Variants in UGT2B7 observed in about 807,000 individuals in gnomAD.
UGT2B7 encodes UDP-glucuronosyltransferase 2B7.
A neutral mutation model predicts 51.9 loss-of-function variants in UGT2B7; 51 were observed. The observed-to-expected ratio is 0.98, with a 90% confidence interval of 0.78 to 1.24. The LOEUF is 1.24. Among genes scored for constraint, UGT2B7 ranks in the 50% most tolerant of loss-of-function variants. The pLI is 0.00. For missense variants in UGT2B7, 727 were observed against 628.4 expected (o/e 1.16, Z -1.68); for synonymous variants, 225 against 211.6 (o/e 1.06, Z -0.55).
At chr4:69,068,123 T>C (rs542499844) in intron 1 of UGT2B7, among the ~76,000 whole-genome samples, 1 of 152,174 alleles carries the variant, frequency 6.6e-6, no homozygotes, top group East Asian at 1.9e-4. Context: ...TGATCTCATA[T>C]TAGTTATTCA....
At chr4:69,103,469 C>A (rs1719492808) in intron 3 of UGT2B7, among the ~76,000 whole-genome samples, 1 of 152,058 alleles carries the variant, frequency 6.6e-6, no homozygotes, top group Non-Finnish European at 1.5e-5. Context: ...CAACTTGAGA[C>A]CCACAGTTAT....
At chr4:69,086,867 G>C (rs993524913) in intron 1 of UGT2B7, among the ~76,000 whole-genome samples, 3 of 151,854 alleles carry the variant, frequency 2.0e-5, no homozygotes, top group Non-Finnish European at 4.4e-5. Flanking sequence ...CATAGGTGAA[G>C]TGAGTTTCCT....
intron 3 of UGT2B7, among the ~76,000 whole-genome samples, chr4:69,104,576 A>C (rs1001602285): frequency 1.3e-5 from 2 of 152,194 alleles, no homozygotes; most frequent in African/African-American, 4.8e-5. Context: ...AACGATGCTA[A>C]AATAATACAG....
intron 3 of UGT2B7, among the ~76,000 whole-genome samples, chr4:69,106,788 T>C (rs1288697358): frequency 6.6e-6 from 1 of 152,114 alleles, no homozygotes; most frequent in Non-Finnish European, 1.5e-5. Context: ...ATAATAGCCA[T>C]TCTGACTGGT....
intron 2 of UGT2B7, among the ~76,000 whole-genome samples, chr4:69,091,204 G>A (rs984814660): frequency 8.5e-5 from 13 of 152,174 alleles, no homozygotes; most frequent in African/African-American, 3.1e-4. Flanking sequence ...TATTACTCAT[G>A]TGATTCATAT....
At chr4:69,052,587 A>AACTTACGT (rs1560495734) in intron 1 of UGT2B7, among the ~76,000 whole-genome samples, 3 of 151,304 alleles carry the variant, frequency 2.0e-5, no homozygotes, top group African/African-American at 7.3e-5. Context: ...AAAAAAAAAA[A>AACTTACGT]AAAAAGAAGG....
At chr4:69,082,348 G>GAAAA (rs2109874444) in intron 1 of UGT2B7, among the ~76,000 whole-genome samples, 2 of 151,394 alleles carry the variant, frequency 1.3e-5, no homozygotes, top group East Asian at 3.9e-4. Context: ...TAAAAGCTCA[G>GAAAA]AAAGACTTAA....
intron 3 of UGT2B7, among the ~76,000 whole-genome samples, chr4:69,104,689 G>T (rs1439208376): frequency 6.6e-6 from 1 of 152,108 alleles, no homozygotes; most frequent in Admixed American, 6.5e-5. Flanking sequence ...TGATATTGGG[G>T]TCAGGTAAGA....
intron 1 of UGT2B7, among the ~76,000 whole-genome samples, chr4:69,075,385 C>T (rs1718681127): frequency 6.6e-6 from 1 of 152,038 alleles, no homozygotes; most frequent in African/African-American, 2.4e-5. Flanking sequence ...CTACTTATAC[C>T]TTTTCCTCTC....
intron 2 of UGT2B7, among the ~76,000 whole-genome samples, chr4:69,099,457 G>A (rs1719358573): frequency 1.3e-5 from 2 of 151,892 alleles, no homozygotes; most frequent in African/African-American, 4.8e-5. Context: ...TATATGAAAA[G>A]ATTCTCTTTT....
In UGT2B7 at chr4:69,066,025, A is replaced by T. The variant is rs376497493; in HGVS notation, c.-159+14423A>T. Among the ~76,000 whole-genome samples the T allele has an allele frequency of 6.6e-4, 101 of 152,274 alleles. 2 individuals are homozygous for T. The South Asian group carries it at 0.02, about 30-fold the overall frequency. On this transcript the variant is annotated intron_variant, in intron 1 of 5. Coordinates refer to the UGT2B7 transcript ENST00000502942. ...AAAATATAGTTGTTCCATTTACTTCAGTCTTCTAATAGTTCTCATTACTTA... is the reference window on the plus strand; with the variant it reads ...AAAATATAGTTGTTCCATTTACTTCTGTCTTCTAATAGTTCTCATTACTTA...
At chr4:69,107,671 A>G (rs1560512091) in intron 4 of UGT2B7, among the ~76,000 whole-genome samples, 1 of 152,134 alleles carries the variant, frequency 6.6e-6, no homozygotes, top group East Asian at 1.9e-4. Context: ...TGCTAATCTT[A>G]ATCATACAGT....
chr4:69,106,653 T>A (rs1007084485), intron 3 of UGT2B7, among the ~76,000 whole-genome samples: 8 of 152,098 alleles, frequency 5.3e-5, no homozygotes, highest in African/African-American at 1.7e-4. Flanking sequence ...TATTTTTACC[T>A]CTAGGTTTTT....
intron 5 of UGT2B7, among the ~76,000 whole-genome samples, chr4:69,108,924 TCTAA>T (rs755079806): frequency 6.6e-6 from 1 of 152,114 alleles, no homozygotes; most frequent in Non-Finnish European, 1.5e-5. Context: ...TTAGCCCTGG[TCTAA>T]CTAATTTGTT....
intron 1 of UGT2B7, among the ~76,000 whole-genome samples, chr4:69,076,679 A>G (rs1406487312): frequency 6.6e-6 from 1 of 152,162 alleles, no homozygotes; most frequent in Non-Finnish European, 1.5e-5. Flanking sequence ...GATTCTGGAT[A>G]TTAGCCCTTT....
chr4:69,065,148 G>T (rs902079558), intron 1 of UGT2B7, among the ~76,000 whole-genome samples: 1 of 152,070 alleles, frequency 6.6e-6, no homozygotes, highest in African/African-American at 2.4e-5. Flanking sequence ...CATGTAATCT[G>T]GGGCTCTTTA....
intron 1 of UGT2B7, among the ~76,000 whole-genome samples, chr4:69,060,148 G>C (rs138087878): frequency 6.6e-6 from 1 of 152,328 alleles, no homozygotes; most frequent in East Asian, 1.9e-4. Context: ...GCCCCGACCT[G>C]AGAGGACTGC....
intron 1 of UGT2B7, among the ~76,000 whole-genome samples, chr4:69,061,202 C>T (rs1037242847): frequency 1.3e-5 from 2 of 152,196 alleles, no homozygotes; most frequent in Non-Finnish European, 2.9e-5. Context: ...AATATTTACA[C>T]AGACTCTAAA....
At chr4:69,101,679 A>G (rs896227000) in intron 2 of UGT2B7, among the ~76,000 whole-genome samples, 1 of 152,200 alleles carries the variant, frequency 6.6e-6, no homozygotes, top group African/African-American at 2.4e-5. Context: ...TGGTCTGCAG[A>G]GTTAACATTT....
Sources: allele counts gnomAD v4.1 joint callset (sites outside exome capture counted in the v4.1 genomes callset), GRCh38; gene constraint gnomAD v4.1.1; transcripts MANE v1.5; gene names NCBI Gene and HGNC (gene_info 2026-07-23, HGNC 2026-07-21).